The following CAPS2 variants were observed in gnomAD, a reference collection of about 807,000 sequenced individuals.
CAPS2 encodes the protein calcyphosine 2, also known as calcyphosin-2.
In CAPS2, 98 loss-of-function variants were observed where a neutral mutation model predicts 86.5. The ratio of observed to expected loss-of-function variants is 1.13; its 90% CI spans 0.96 to 1.34. The LOEUF is 1.34. Ranked by LOEUF, CAPS2 falls within the 40% of genes most tolerant of loss-of-function variation. The pLI is 0.00. For synonymous variants in CAPS2, 210 were observed against 225.1 expected (o/e 0.93, Z 0.60); for missense variants, 729 against 686.8 (o/e 1.06, Z -0.69).
At chr12:75,341,496 G>T (rs2042105350) in intron 1 of CAPS2, among the ~76,000 whole-genome samples, 1 of 151,966 alleles carries the variant, frequency 6.6e-6, no homozygotes, top group Non-Finnish European at 1.5e-5. Flanking sequence ...GCCCAGGCTG[G>T]AATGCAGTGG....
intron 1 of CAPS2, among the ~76,000 whole-genome samples, chr12:75,379,973 T>C (rs2044870661): frequency 6.6e-6 from 1 of 151,884 alleles, no homozygotes; most frequent in African/African-American, 2.4e-5. Flanking sequence ...CTAACAAATG[T>C]GGAAGTGGTA....
At chr12:75,297,515 C>G (rs980463964) in intron 11 of CAPS2, among the ~76,000 whole-genome samples, 1 of 152,132 alleles carries the variant, frequency 6.6e-6, no homozygotes, top group Non-Finnish European at 1.5e-5. Flanking sequence ...TAATATAATT[C>G]AATCCTATCC....
In CAPS2 at chr12:75,291,739, CA is replaced by C. The variant is rs1565795289; in HGVS notation, c.1240+4del. 6.6e-7 allele frequency: 1 copy of C among 1,520,584 alleles called. No individual in the cohort carries two copies. The highest frequency in any genetic ancestry group is 2.3e-5 in the East Asian group (1 of 42,770). 94.2% of individuals were successfully genotyped at this position (1,520,584 alleles called of 1,614,324 possible). ...AGTACTTGAGAGTACAGTAATAACA[CA>C]TACCTTGAATTGCTTTGAAGACCAG... On this transcript the variant is annotated splice_donor_region_variant and intron_variant, in intron 13 of 16. Coordinates refer to ENST00000393284, the Ensembl canonical transcript of CAPS2.
At chr12:75,283,150 C>T (rs566767805) in intron 15 of CAPS2, among the ~76,000 whole-genome samples, 1 of 152,160 alleles carries the variant, frequency 6.6e-6, no homozygotes, top group Non-Finnish European at 1.5e-5. Flanking sequence ...AAATTTAATA[C>T]ACTTTTTAAA....
In CAPS2 at chr12:75,374,492, C is replaced by A. The variant is rs547393220; in HGVS notation, c.-395+16346G>T. ...TAGGAATTTCACTGAAGTAGAAGGT[C>A]CCTGAATTTTAATGGGGTTTATTTC... On this transcript the variant is annotated intron_variant, in intron 1 of 5. Transcript: ENST00000551829. Among the ~76,000 whole-genome samples the A allele has an allele frequency of 1.1e-4, 17 of 152,268 alleles. No homozygotes were observed. The South Asian group carries it at 3.5e-3, about 32-fold the overall frequency.
exon 9 of CAPS2, chr12:75,299,880 C>G: frequency 1.3e-6 from 2 of 1,531,218 alleles, no homozygotes; most frequent in Non-Finnish European, 1.8e-6. Context: ...TGAGAAAGCA[C>G]ATTTTCAGTT....
chr12:75,292,353 G>A (rs1266324200), intron 12 of CAPS2, among the ~76,000 whole-genome samples: 1 of 151,810 alleles, frequency 6.6e-6, no homozygotes, highest in Non-Finnish European at 1.5e-5. Context: ...GGAGTGAGCC[G>A]CTGCGCCTGG....
At chr12:75,333,484 G>T (rs188125917), upstream of CAPS2, among the ~76,000 whole-genome samples, 58 of 152,160 alleles carry the variant, frequency 3.8e-4, no homozygotes, top group East Asian at 8.9e-3. Flanking sequence ...TCATGTCTTT[G>T]GGTGTGGGAT....
chr12:75,279,519 C>T lies in CAPS2; in HGVS notation c.1613-454G>A, dbSNP rs533375134. ...GGCTTAGATGGGAATACTACTCAAACCATTTGTCTAATGGGGTGGACAAAA... is the reference window on the plus strand; with the variant it reads ...GGCTTAGATGGGAATACTACTCAAATCATTTGTCTAATGGGGTGGACAAAA... On this transcript the variant is annotated intron_variant, in intron 16 of 16. Coordinates refer to ENST00000393284, the Ensembl canonical transcript of CAPS2. 1.6e-3 allele frequency among the ~76,000 whole-genome samples: 247 copies of T among 152,016 alleles called. 1 individual carries two copies. The highest frequency in any genetic ancestry group is 2.4e-3 in the Non-Finnish European group (165 of 67,876).
chr12:75,366,752 G>A, intron 1 of CAPS2: 1 of 629,382 alleles, frequency 1.6e-6, no homozygotes, highest in Non-Finnish European at 2.8e-6. Context: ...TTACCAATGA[G>A]TCATTTCCAC....
At chr12:75,325,192 A>T (rs1490885390) in intron 2 of CAPS2, 47 bp downstream of exon 3, 3 of 1,507,802 alleles carry the variant, frequency 2.0e-6, no homozygotes, top group Non-Finnish European at 2.7e-6. Context: ...AATGTATGTT[A>T]TATATGTGCC....
At position 75,293,418 on chromosome 12, in the gene CAPS2, T is replaced by C. The variant is rs547915624; in HGVS notation, c.1045-51A>G. On this transcript the variant is annotated intron_variant, in intron 11 of 16. Coordinates refer to ENST00000393284, the Ensembl canonical transcript of CAPS2. The stretch of plus-strand genomic sequence containing the variant: ...GCTAGAAAGCATGTAAGAAATAAAA[T>C]ATAACTAACATCAATTTTAAATAAT... 13 of 1,061,518 alleles carry C rather than the reference T, an allele frequency of 1.2e-5. No individual in the cohort carries two copies. In the Admixed American group the frequency reaches 2.2e-4, roughly 18 times the overall value. The allele number at this position is 1,061,518 out of a possible 1,614,324, so 65.8% of individuals were successfully genotyped here.
At chr12:75,299,102 G>A in intron 9 of CAPS2, 136 bp from the exon 10 acceptor site, 1 of 549,496 alleles carries the variant, frequency 1.8e-6, no homozygotes, top group East Asian at 2.9e-5. Context: ...ATGGGAAACT[G>A]TAGGGAAAAC....
intron 1 of CAPS2, among the ~76,000 whole-genome samples, chr12:75,383,683 G>T (rs1360808362): frequency 6.6e-6 from 1 of 152,092 alleles, no homozygotes; most frequent in Non-Finnish European, 1.5e-5. Context: ...TCAATCACCT[G>T]GATGTAATAA....
intron 14 of CAPS2, among the ~76,000 whole-genome samples, chr12:75,288,764 C>A (rs890842792): frequency 6.6e-6 from 1 of 152,088 alleles, no homozygotes; most frequent in African/African-American, 2.4e-5. Context: ...TTTCCATATG[C>A]TGGGTTCTAT....
chr12:75,333,670 A>T (rs1262893948), upstream of CAPS2: 2 of 152,148 alleles, frequency 1.3e-5, no homozygotes, highest in East Asian at 3.8e-4. Flanking sequence ...TTTTAAAAAG[A>T]TAGTAGCTGC....
chr12:75,347,498 T>C (rs1407271540), intron 1 of CAPS2: 6 of 448,970 alleles, frequency 1.3e-5, no homozygotes, highest in South Asian at 6.8e-5. Flanking sequence ...AAAAAATATG[T>C]AACTAATAAA....
chr12:75,276,138 T>C, downstream of CAPS2: 1 of 1,473,124 alleles, frequency 6.8e-7, no homozygotes, highest in Non-Finnish European at 9.0e-7. Flanking sequence ...CAGATTGTCT[T>C]TGCTCTTCTC....
intron 6 of CAPS2, among the ~76,000 whole-genome samples, chr12:75,314,185 G>T (rs2039518551): frequency 6.6e-6 from 1 of 152,112 alleles, no homozygotes; most frequent in Admixed American, 6.5e-5. Flanking sequence ...CTCCCAAAGT[G>T]CTGGGACTAT....
Sources: allele counts gnomAD v4.1 joint callset (sites outside exome capture counted in the v4.1 genomes callset), GRCh38; gene constraint gnomAD v4.1.1; transcripts MANE v1.5; gene names NCBI Gene and HGNC (gene_info 2026-07-23, HGNC 2026-07-21).